Variants in SPAG16 observed in about 807,000 individuals in gnomAD.
SPAG16 encodes the protein sperm associated antigen 16.
A neutral mutation model predicts 80.4 loss-of-function variants in SPAG16; 86 were observed. That is an observed-to-expected ratio of 1.07 (90% CI 0.90 to 1.28). The LOEUF is 1.28. Ranked by LOEUF, SPAG16 falls within the 50% of genes most tolerant of loss-of-function variation. SPAG16 has a pLI of 0.00. For missense variants in SPAG16, 870 were observed against 765.3 expected (o/e 1.14, Z -1.61); for synonymous variants, 294 against 265.9 (o/e 1.11, Z -1.03).
chr2:213,363,070 G>C (rs1293456367), intron 7 of SPAG16, among the ~76,000 whole-genome samples: 1 of 152,088 alleles, frequency 6.6e-6, no homozygotes, highest in Admixed American at 6.6e-5. Flanking sequence ...ACATAAAAAG[G>C]ATATTATGGA....
At chr2:213,528,805 A>G (rs919367517) in intron 10 of SPAG16, among the ~76,000 whole-genome samples, 4 of 152,200 alleles carry the variant, frequency 2.6e-5, no homozygotes, top group African/African-American at 7.2e-5. Flanking sequence ...ACAATTTCAT[A>G]ATGTTTTACA....
chr2:213,769,037 A>C (rs756538515), intron 10 of SPAG16, among the ~76,000 whole-genome samples: 39 of 152,252 alleles, frequency 2.6e-4, no homozygotes, highest in Non-Finnish European at 4.3e-4. Flanking sequence ...TGATATTATA[A>C]AAAGGGTGAG....
At chr2:213,655,248 C>G (rs1001652859) in intron 10 of SPAG16, among the ~76,000 whole-genome samples, 2 of 152,170 alleles carry the variant, frequency 1.3e-5, no homozygotes, top group African/African-American at 4.8e-5. Context: ...TAGGAAGTCT[C>G]TGTACCTTCT....
intron 12 of SPAG16, among the ~76,000 whole-genome samples, chr2:213,942,450 A>G (rs951811965): frequency 2.0e-5 from 3 of 152,338 alleles, no homozygotes; most frequent in Admixed American, 1.3e-4. Flanking sequence ...AATAGAAGAA[A>G]TCAGAAGAAC....
chr2:214,044,623 G>A (rs964244825), intron 13 of SPAG16, among the ~76,000 whole-genome samples: 7 of 152,182 alleles, frequency 4.6e-5, no homozygotes. Context: ...ACTGAAAGAG[G>A]CACTGAAAAG....
At chr2:213,999,149 AG>A (rs1359635651) in intron 12 of SPAG16, among the ~76,000 whole-genome samples, 1 of 152,194 alleles carries the variant, frequency 6.6e-6, no homozygotes, top group Non-Finnish European at 1.5e-5. Flanking sequence ...AAATGTCTCC[AG>A]GGCATGTCAG....
intron 10 of SPAG16, among the ~76,000 whole-genome samples, chr2:213,517,292 G>T (rs748427733): frequency 1.4e-4 from 21 of 152,150 alleles, no homozygotes; most frequent in Non-Finnish European, 2.9e-4. Flanking sequence ...GCAAAACACT[G>T]CTGAAATAAA....
At chr2:213,477,893 C>T (rs2073504996) in intron 9 of SPAG16, among the ~76,000 whole-genome samples, 1 of 152,058 alleles carries the variant, frequency 6.6e-6, no homozygotes, top group Non-Finnish European at 1.5e-5. Context: ...TGTGGCCCCA[C>T]CAAAATCTCA....
intron 15 of SPAG16, among the ~76,000 whole-genome samples, chr2:214,340,202 T>A (rs1292485555): frequency 1.3e-5 from 2 of 152,202 alleles, no homozygotes; most frequent in Non-Finnish European, 2.9e-5. Context: ...TTAATTTTCT[T>A]TGACGATAGA....
At chr2:214,351,894 C>T (rs1414200116) in intron 15 of SPAG16, among the ~76,000 whole-genome samples, 2 of 151,988 alleles carry the variant, frequency 1.3e-5, no homozygotes, top group Non-Finnish European at 2.9e-5. Flanking sequence ...GTTTGGTCTG[C>T]TATAACAAAA....
At chr2:213,888,128 C>T (rs1209177502) in intron 11 of SPAG16, among the ~76,000 whole-genome samples, 1 of 151,874 alleles carries the variant, frequency 6.6e-6, no homozygotes, top group Non-Finnish European at 1.5e-5. Flanking sequence ...TTTGAATAGA[C>T]TTATGTTTTC....
intron 15 of SPAG16, among the ~76,000 whole-genome samples, chr2:214,395,495 G>A (rs1347299072): frequency 6.6e-6 from 1 of 152,036 alleles, no homozygotes; most frequent in Non-Finnish European, 1.5e-5. Context: ...TCTTTGGTAA[G>A]GTTGTTTAAG....
chr2:214,292,046 T>G (rs550267017), intron 15 of SPAG16, among the ~76,000 whole-genome samples: 1 of 152,308 alleles, frequency 6.6e-6, no homozygotes, highest in African/African-American at 2.4e-5. Flanking sequence ...GAAGTTTGTT[T>G]TTTTTTAAAG....
intron 10 of SPAG16, among the ~76,000 whole-genome samples, chr2:213,644,496 A>G (rs1392759310): frequency 6.6e-6 from 1 of 152,172 alleles, no homozygotes; most frequent in South Asian, 2.1e-4. Flanking sequence ...TTCTTGGGAA[A>G]GCTTTCCAGA....
chr2:213,428,526 A>C (rs2070088048), intron 9 of SPAG16, among the ~76,000 whole-genome samples: 1 of 152,144 alleles, frequency 6.6e-6, no homozygotes, highest in Non-Finnish European at 1.5e-5. Context: ...GGGGATTGTA[A>C]TGCTGGGTTT....
intron 12 of SPAG16, among the ~76,000 whole-genome samples, chr2:213,962,337 C>T (rs1480664330): frequency 1.3e-5 from 2 of 151,982 alleles, no homozygotes; most frequent in East Asian, 3.9e-4. Context: ...GGACTACAGG[C>T]GCCCGCCACC....
intron 10 of SPAG16, among the ~76,000 whole-genome samples, chr2:213,563,961 C>A (rs1376581450): frequency 6.6e-6 from 1 of 152,158 alleles, no homozygotes. Flanking sequence ...TTCTGCTCCC[C>A]CTACCTGCCC....
intron 10 of SPAG16, among the ~76,000 whole-genome samples, chr2:213,710,281 C>CT (rs1042633484): frequency 2.0e-5 from 3 of 146,950 alleles, no homozygotes; most frequent in Admixed American, 1.4e-4. Flanking sequence ...AAAAATCTGT[C>CT]TTTAAAAAAA....
chr2:214,026,746 A>G (rs1158321634), intron 13 of SPAG16, among the ~76,000 whole-genome samples: 5 of 151,582 alleles, frequency 3.3e-5, no homozygotes, highest in African/African-American at 1.2e-4. Context: ...TTTACTATAC[A>G]GTAAATATTG....
Sources: allele counts gnomAD v4.1 joint callset (sites outside exome capture counted in the v4.1 genomes callset), GRCh38; gene constraint gnomAD v4.1.1; transcripts MANE v1.5; gene names NCBI Gene and HGNC (gene_info 2026-07-23, HGNC 2026-07-21).